Variants in CSGALNACT1 observed in about 807,000 individuals in gnomAD.
CSGALNACT1 encodes chondroitin sulfate N-acetylgalactosaminyltransferase 1.
A neutral mutation model predicts 51.0 loss-of-function variants in CSGALNACT1; 52 were observed. The ratio of observed to expected loss-of-function variants is 1.02; its 90% CI spans 0.82 to 1.29. The LOEUF (loss-of-function observed/expected upper bound fraction) is 1.29. Ranked by LOEUF, CSGALNACT1 falls within the 50% of genes most tolerant of loss-of-function variation. CSGALNACT1 has a pLI of 0.00. For synonymous variants in CSGALNACT1, 341 were observed against 254.4 expected, an observed-to-expected ratio of 1.34 and a Z score of -3.24; for missense variants, 935 against 679.2, an observed-to-expected ratio of 1.38 and a Z score of -4.19.
At chr8:19,662,919 C>T (rs2058883728) in intron 1 of CSGALNACT1, among the ~76,000 whole-genome samples, 1 of 152,112 alleles carries the variant, frequency 6.6e-6, no homozygotes, top group Non-Finnish European at 1.5e-5. Flanking sequence ...AACAATGAGG[C>T]TATGTCAAAG....
chr8:19,667,011 GAAA>G (rs1564386183), intron 1 of CSGALNACT1, among the ~76,000 whole-genome samples: 502 of 32,860 alleles, frequency 0.015, 45 homozygotes, highest in African/African-American at 0.018. Context: ...AAGAAAGAAA[GAAA>G]GAAAGGAAGG....
At chr8:19,425,970 C>T (rs2058718397) in intron 6 of CSGALNACT1, among the ~76,000 whole-genome samples, 2 of 152,196 alleles carry the variant, frequency 1.3e-5, no homozygotes, top group South Asian at 4.1e-4. Context: ...CCAGCCCTGC[C>T]TCTGTCCCTC....
chr8:19,593,367 A>G (rs977483613), intron 2 of CSGALNACT1, among the ~76,000 whole-genome samples: 3 of 152,256 alleles, frequency 2.0e-5, no homozygotes, highest in African/African-American at 7.2e-5. Flanking sequence ...GGTTCACCAT[A>G]TGCAAGTGAA....
At chr8:19,573,461 G>C (rs1345158968) in intron 3 of CSGALNACT1, among the ~76,000 whole-genome samples, 1 of 138,910 alleles carries the variant, frequency 7.2e-6, no homozygotes, top group Non-Finnish European at 1.6e-5. Context: ...TTTTTTTTTT[G>C]GACACTAAGT....
chr8:19,490,772 T>G (rs1419265147), intron 4 of CSGALNACT1, among the ~76,000 whole-genome samples: 2 of 152,206 alleles, frequency 1.3e-5, no homozygotes, highest in Admixed American at 1.3e-4. Flanking sequence ...ACAGGCTGCC[T>G]GCTCCAGCCT....
At chr8:19,663,425 C>T (rs973535182) in intron 1 of CSGALNACT1, among the ~76,000 whole-genome samples, 1 of 152,174 alleles carries the variant, frequency 6.6e-6, no homozygotes, top group African/African-American at 2.4e-5. Context: ...TAAATATATT[C>T]AGAGCAAATT....
At chr8:19,715,437 T>C (rs1254944851) in intron 1 of CSGALNACT1, among the ~76,000 whole-genome samples, 1 of 152,222 alleles carries the variant, frequency 6.6e-6, no homozygotes, top group Non-Finnish European at 1.5e-5. Flanking sequence ...CCTCCACCAA[T>C]GTTGCTGCAA....
intron 3 of CSGALNACT1, among the ~76,000 whole-genome samples, chr8:19,570,855 C>T (rs914381758): frequency 6.6e-6 from 1 of 152,120 alleles, no homozygotes; most frequent in Non-Finnish European, 1.5e-5. Context: ...TTGCAGTGAG[C>T]CGAGATCACG....
chr8:19,452,669 G>C, intron 5 of CSGALNACT1, among the ~76,000 whole-genome samples: 1 of 152,268 alleles, frequency 6.6e-6, no homozygotes, highest in Non-Finnish European at 1.5e-5. Context: ...GTGAGCTGGA[G>C]ACGTGAGTAA....
At chr8:19,686,947 C>G (rs946183164), upstream of CSGALNACT1, among the ~76,000 whole-genome samples, 9 of 152,222 alleles carry the variant, frequency 5.9e-5, no homozygotes, top group African/African-American at 2.2e-4. Flanking sequence ...CCCTCTCAGC[C>G]TTGGCACAGA....
Position 19,404,334 on chromosome 8 carries a change from A to G in CSGALNACT1, c.*1446T>C, listed in dbSNP as rs1485159535. The G allele has an allele frequency of 1.3e-5, 6 of 453,782 alleles. No individual in the cohort carries two copies. The East Asian group carries it at 2.8e-4, about 21-fold the overall frequency. 28.1% of individuals were successfully genotyped at this position (453,782 alleles called of 1,614,324 possible). A position where few individuals can be genotyped will look rare whatever the true frequency, so the allele number is the denominator to read the frequency against. On this transcript the variant is annotated 3_prime_UTR_variant, in exon 10 of 10. Transcript: ENST00000454498. ...AACAATGAGTTTACTGTGAGCAAAC[A>G]GAAGCAAGGACTCAAAGAGATAATT...
upstream of CSGALNACT1, chr8:19,683,078 G>T (rs1409610313): frequency 3.0e-5 from 7 of 233,556 alleles, no homozygotes; most frequent in Admixed American, 1.5e-4. Context: ...GAACAGATAG[G>T]CAACTGTGTG....
chr8:19,676,426 G>A (rs1224876728), intron 1 of CSGALNACT1, among the ~76,000 whole-genome samples: 1 of 152,204 alleles, frequency 6.6e-6, no homozygotes, highest in Non-Finnish European at 1.5e-5. Context: ...CAGAATATCT[G>A]AAATCCAAAA....
chr8:19,691,875 C>A (rs1245487397), intron 1 of CSGALNACT1, among the ~76,000 whole-genome samples: 1 of 151,104 alleles, frequency 6.6e-6, no homozygotes, highest in African/African-American at 2.4e-5. Flanking sequence ...CCACCCAGAC[C>A]TACTGTATTG....
chr8:19,666,531 T>TA (rs1017830849), intron 1 of CSGALNACT1, among the ~76,000 whole-genome samples: 3 of 151,362 alleles, frequency 2.0e-5, no homozygotes, highest in African/African-American at 7.3e-5. Flanking sequence ...CTGTCTCTAC[T>TA]AAAAAATATA....
intron 3 of CSGALNACT1, among the ~76,000 whole-genome samples, chr8:19,537,948 G>C (rs907885440): frequency 2.0e-5 from 3 of 152,128 alleles, no homozygotes; most frequent in Admixed American, 6.6e-5. Context: ...ATAATGAAAA[G>C]ATAAGCTATG....
intron 1 of CSGALNACT1, among the ~76,000 whole-genome samples, chr8:19,635,497 TA>T (rs987620283): frequency 6.6e-6 from 1 of 152,170 alleles, no homozygotes; most frequent in African/African-American, 2.4e-5. Flanking sequence ...GTCAGGGGCT[TA>T]GGGGTGAACC....
At chr8:19,679,819 T>C (rs1336993166) in intron 1 of CSGALNACT1, among the ~76,000 whole-genome samples, 1 of 152,162 alleles carries the variant, frequency 6.6e-6, no homozygotes, top group Non-Finnish European at 1.5e-5. Context: ...GGCAACACTT[T>C]ACCTGCGGCT....
At chr8:19,546,696 T>G (rs2086560290) in intron 3 of CSGALNACT1, among the ~76,000 whole-genome samples, 1 of 152,214 alleles carries the variant, frequency 6.6e-6, no homozygotes, top group African/African-American at 2.4e-5. Flanking sequence ...ACAATAAATA[T>G]TCTTGTTGCT....
Sources: allele counts gnomAD v4.1 joint callset (sites outside exome capture counted in the v4.1 genomes callset), GRCh38; gene constraint gnomAD v4.1.1; transcripts MANE v1.5; gene names NCBI Gene and HGNC (gene_info 2026-07-23, HGNC 2026-07-21).